Variants in ERMP1 observed in about 807,000 individuals in gnomAD.
ERMP1 encodes endoplasmic reticulum metallopeptidase 1.
ERMP1 carries 86 observed loss-of-function variants against 92.0 expected under a neutral mutation model. The ratio of observed to expected loss-of-function variants is 0.93; its 90% CI spans 0.79 to 1.12. ERMP1 has a LOEUF of 1.12. Among genes scored for constraint, ERMP1 ranks in the 50% most tolerant of loss-of-function variants. The pLI is 0.00. For synonymous variants in ERMP1, 530 were observed against 412.8 expected (o/e 1.28, Z -3.44); for missense variants, 1,342 against 1,116.3 (o/e 1.20, Z -2.88).
intron 13 of ERMP1, among the ~76,000 whole-genome samples, chr9:5,792,007 A>G (rs557042178): frequency 6.6e-6 from 1 of 152,304 alleles, no homozygotes; most frequent in East Asian, 1.9e-4. Flanking sequence ...GAGGGCAGAG[A>G]AATCTTCATA....
chr9:5,809,015 A>G (rs543494401), intron 8 of ERMP1, among the ~76,000 whole-genome samples: 7 of 150,864 alleles, frequency 4.6e-5, no homozygotes, highest in African/African-American at 1.7e-4. Flanking sequence ...CACAGCACCC[A>G]GCCCATAGCC....
intron 13 of ERMP1, among the ~76,000 whole-genome samples, chr9:5,793,490 T>C (rs1212553330): frequency 6.6e-6 from 1 of 152,096 alleles, no homozygotes; most frequent in Non-Finnish European, 1.5e-5. Flanking sequence ...AACATACAAA[T>C]TAAAAGACAG....
In ERMP1 at chr9:5,785,997, A is replaced by C. The variant is rs1827919799; in HGVS notation, c.*1147T>G. On this transcript the variant is annotated 3_prime_UTR_variant, in exon 15 of 15. Transcript: ENST00000339450. The stretch of plus-strand genomic sequence containing the variant: ...TCTTCAAAATGAAAACCACCTTTTA[A>C]GTCCTCATGCTGCCATTACGCAGGA... 1 of 152,242 alleles carries C rather than the reference A, an allele frequency of 6.6e-6. No homozygotes were observed. Among genetic ancestry groups the C allele is most frequent in the African/African-American group, 2.4e-5 (1 of 41,460 alleles). 9.4% of individuals were successfully genotyped at this position (152,242 alleles called of 1,614,324 possible).
chr9:5,810,282 TA>T, intron 7 of ERMP1, 51 bp from the exon 8 acceptor site: 1 of 1,370,052 alleles, frequency 7.3e-7, no homozygotes, highest in Non-Finnish European at 1.0e-6. Flanking sequence ...TCAAATCAGT[TA>T]TATAACCAGT....
In ERMP1 at chr9:5,822,492, G is replaced by A. The variant is rs1483438647; in HGVS notation, c.874+1404C>T. ...GATAAAAGATTAAAATAAGTTTGAT[G>A]GAGACTATTAAAATATAGTATTGTT... is the stretch of plus-strand genomic sequence containing the variant. On this transcript the variant is annotated intron_variant, in intron 4 of 14. Coordinates refer to ENST00000339450, the MANE Select transcript of ERMP1 (RefSeq NM_024896.3). 5.3e-5 allele frequency among the ~76,000 whole-genome samples: 8 copies of A among 152,092 alleles called. 1 individual carries two copies. Among genetic ancestry groups the A allele is most frequent in the Admixed American group, 5.2e-4 (8 of 15,262 alleles).
At chr9:5,811,435 T>C in intron 6 of ERMP1, 112 bp from the exon 7 acceptor site, 1 of 744,288 alleles carries the variant, frequency 1.3e-6, no homozygotes. Context: ...AACCATATAC[T>C]GTTTGAATGA....
intron 6 of ERMP1, among the ~76,000 whole-genome samples, chr9:5,847,755 C>CA (rs1830256356): frequency 3.3e-5 from 5 of 151,244 alleles, no homozygotes; most frequent in East Asian, 3.9e-4. Flanking sequence ...ATTAGCCGGG[C>CA]GTGGTGGCAG....
chr9:5,787,301 T>G lies in ERMP1; in HGVS notation c.2558A>C (p.Glu853Ala). 1 of 1,612,066 alleles carries G rather than the reference T, an allele frequency of 6.2e-7. No individual in the cohort carries two copies. Among genetic ancestry groups the G allele is most frequent in the Non-Finnish European group, 8.5e-7 (1 of 1,179,164 alleles). Residue 853 changes from glutamate (E) to alanine (A), a missense_variant, in exon 15 of 15, where the codon GAA (glutamate) becomes GCA (alanine). Physicochemically the swap from Glu to Ala is moderately radical, Grantham distance 107. Transcript: ENST00000339450. ...WQFWIEVQVS[E>A]EHPEGMVTVA... ...GGTGACCATTCCTTCAGGATGTTCTTCTGAAACCTGCCAGAGAAAATCAAT... is the reference window on the plus strand; with the variant it reads ...GGTGACCATTCCTTCAGGATGTTCTGCTGAAACCTGCCAGAGAAAATCAAT...
At chr9:5,814,280 G>C (rs1420832324) in intron 4 of ERMP1, among the ~76,000 whole-genome samples, 1 of 152,162 alleles carries the variant, frequency 6.6e-6, no homozygotes, top group African/African-American at 2.4e-5. Context: ...TGCAACACGA[G>C]CAAGAAATAA....
At chr9:5,865,355 A>G (rs1207625798) in intron 5 of ERMP1, among the ~76,000 whole-genome samples, 1 of 151,992 alleles carries the variant, frequency 6.6e-6, no homozygotes, top group Non-Finnish European at 1.5e-5. Context: ...ACAATACAAA[A>G]AAATTAGCTG....
At chr9:5,789,847 C>CCTTT (rs1828100886) in intron 13 of ERMP1, among the ~76,000 whole-genome samples, 1 of 136,646 alleles carries the variant, frequency 7.3e-6, no homozygotes, top group Non-Finnish European at 1.6e-5. Flanking sequence ...CAAACCTGGC[C>CCTTT]TTTTTTTTTT....
chr9:5,801,152 A>G, intron 11 of ERMP1, 24 bp downstream of exon 11: 1 of 1,596,964 alleles, frequency 6.3e-7, no homozygotes, highest in Non-Finnish European at 8.5e-7. Flanking sequence ...CCAGATCTCA[A>G]ATACCTCATG....
In ERMP1 at chr9:5,809,167, G is replaced by A. The variant is rs377692081; in HGVS notation, c.1548+844C>T. Among the ~76,000 whole-genome samples, 51 of 152,094 alleles carry A rather than the reference G, an allele frequency of 3.4e-4. No individual in the cohort carries two copies. In the East Asian group the frequency reaches 5.4e-3, roughly 16 times the overall value. The stretch of plus-strand genomic sequence containing the variant: ...CTCCCGAGCAGCTGGGACTACAGGC[G>A]CCGCCACCTCGCCCGGCTAATTTTT... On this transcript the variant is annotated intron_variant, in intron 8 of 14. Coordinates refer to ENST00000339450, the MANE Select transcript of ERMP1 (RefSeq NM_024896.3).
At chr9:5,813,243 G>A (rs1459378157) in intron 4 of ERMP1, among the ~76,000 whole-genome samples, 3 of 152,002 alleles carry the variant, frequency 2.0e-5, no homozygotes, top group Non-Finnish European at 4.4e-5. Context: ...TGAAAATAAA[G>A]TATAAAATAA....
In ERMP1 at chr9:5,810,034, G is replaced by C. The variant is rs745801198; in HGVS notation, c.1525C>G (p.Leu509Val). The change falls in exon 8 of 15, where the codon CTT becomes GTT. Residue 509 changes from leucine to valine, a missense_variant. Coordinates refer to ENST00000339450, the MANE Select transcript of ERMP1 (RefSeq NM_024896.3). ...ACCATGTAATAAAATCTTTTCGCAAGAGTATGTATAAGTATTATTTTGGCT... is the reference window on the plus strand; with the variant it reads ...ACCATGTAATAAAATCTTTTCGCAACAGTATGTATAAGTATTATTTTGGCT... The part of the protein sequence containing the change: ...TVAKIILIHT[L>V]AKRFYYMNAS... The C allele has an allele frequency of 9.3e-6, 15 of 1,610,448 alleles. No individual in the cohort carries two copies. The highest frequency in any genetic ancestry group is 1.3e-5 in the Non-Finnish European group (15 of 1,177,068).
At chr9:5,857,112 C>T (rs1262284541) in intron 6 of ERMP1, among the ~76,000 whole-genome samples, 1 of 152,056 alleles carries the variant, frequency 6.6e-6, no homozygotes, top group Non-Finnish European at 1.5e-5. Context: ...CCTTGATTTC[C>T]CTGGGCTCAA....
intron 2 of ERMP1, among the ~76,000 whole-genome samples, chr9:5,829,898 G>C (rs1368063500): frequency 6.6e-6 from 1 of 152,154 alleles, no homozygotes; most frequent in Non-Finnish European, 1.5e-5. Context: ...ACAATTTTCT[G>C]AAAAATAAAT....
intron 6 of ERMP1, among the ~76,000 whole-genome samples, chr9:5,847,699 T>C (rs922861233): frequency 2.0e-5 from 3 of 151,940 alleles, no homozygotes; most frequent in Non-Finnish European, 4.4e-5. Context: ...ATCGAGACCA[T>C]CCTGGCTAAC....
chr9:5,843,651 T>C lies in ERMP1; in HGVS notation n.3200-10339A>G, dbSNP rs1007166753. On this transcript the variant is annotated intron_variant and non_coding_transcript_variant, in intron 6 of 6. Transcript: ENST00000690753. ...TGTCAAATGCCCCCCTCCCCGCTTC[T>C]AGCCACTGCTTTGTTTATTTTGCAG... is the stretch of plus-strand genomic sequence containing the variant. 5.3e-5 allele frequency among the ~76,000 whole-genome samples: 8 copies of C among 152,330 alleles called. No individual in the cohort carries two copies. In the South Asian group the frequency reaches 1.7e-3, roughly 32 times the overall value.
Sources: gnomAD v4.1 joint callset for allele counts (sites outside exome capture counted in the v4.1 genomes callset) on GRCh38, gnomAD v4.1.1 for gene constraint, MANE v1.5 for transcripts, NCBI Gene and HGNC (gene_info 2026-07-23, HGNC 2026-07-21) for gene names.